The following CNTN4 variants were observed in gnomAD, a reference collection of about 807,000 sequenced individuals.
The protein encoded by CNTN4 is contactin-4.
CNTN4 carries 77 observed loss-of-function variants against 122.5 expected under a neutral mutation model. The ratio of observed to expected loss-of-function variants is 0.63; its 90% CI spans 0.52 to 0.76. CNTN4 has a LOEUF of 0.76. Among genes scored for constraint, CNTN4 ranks in the 30% least tolerant of loss-of-function variants. The probability of loss-of-function intolerance (pLI) is 0.00; values close to 1 mark genes in which losing one functional copy is unlikely to be tolerated. For missense variants in CNTN4, 1,256 were observed against 1,259.1 expected (o/e 1.00, Z 0.04); for synonymous variants, 512 against 447.0 (o/e 1.15, Z -1.83).
intron 6 of CNTN4, among the ~76,000 whole-genome samples, chr3:2,747,352 T>G (rs1275846282): frequency 6.7e-6 from 1 of 150,268 alleles, no homozygotes; most frequent in African/African-American, 2.5e-5. Flanking sequence ...GAGCTTGCAG[T>G]GAGCCGAGAT....
At chr3:2,871,940 T>G (rs2093789472) in intron 8 of CNTN4, among the ~76,000 whole-genome samples, 1 of 152,202 alleles carries the variant, frequency 6.6e-6, no homozygotes, top group African/African-American at 2.4e-5. Flanking sequence ...AAATCTGCTT[T>G]GAGAAGATAA....
At chr3:2,437,206 C>T (rs1425165258) in intron 3 of CNTN4, among the ~76,000 whole-genome samples, 12 of 152,020 alleles carry the variant, frequency 7.9e-5, no homozygotes, top group Non-Finnish European at 1.2e-4. Flanking sequence ...TCAATTCTAG[C>T]GAGTAAAGGG....
At chr3:2,580,915 A>C (rs900166771) in intron 4 of CNTN4, among the ~76,000 whole-genome samples, 3 of 152,192 alleles carry the variant, frequency 2.0e-5, no homozygotes, top group African/African-American at 7.2e-5. Flanking sequence ...CCAAGGCAGC[A>C]TTTAAATTTA....
intron 4 of CNTN4, among the ~76,000 whole-genome samples, chr3:2,619,988 A>G (rs2081932298): frequency 7.7e-6 from 1 of 130,386 alleles, no homozygotes. Context: ...GGCATAAATG[A>G]AAATATCTCT....
intron 4 of CNTN4, among the ~76,000 whole-genome samples, chr3:2,611,181 T>G (rs1021142254): frequency 6.6e-6 from 1 of 151,540 alleles, no homozygotes; most frequent in Non-Finnish European, 1.5e-5. Context: ...TCAAACTCTT[T>G]GCCTCTATTT....
At chr3:2,243,877 T>C (rs936766392) in intron 2 of CNTN4, among the ~76,000 whole-genome samples, 1 of 152,106 alleles carries the variant, frequency 6.6e-6, no homozygotes, top group Admixed American at 6.6e-5. Flanking sequence ...CAGTATAGGC[T>C]GGTTGCCCAC....
intron 4 of CNTN4, among the ~76,000 whole-genome samples, chr3:2,664,327 G>C (rs995276815): frequency 1.3e-5 from 2 of 152,108 alleles, no homozygotes; most frequent in Non-Finnish European, 2.9e-5. Flanking sequence ...TTTTGGTCCA[G>C]AATTGCATTT....
At chr3:2,994,105 C>T (rs1695304565) in intron 14 of CNTN4, among the ~76,000 whole-genome samples, 1 of 152,076 alleles carries the variant, frequency 6.6e-6, no homozygotes, top group Admixed American at 6.6e-5. Context: ...AGCACATGAC[C>T]TGGTGTTTTT....
intron 2 of CNTN4, among the ~76,000 whole-genome samples, chr3:2,335,800 G>T (rs893537296): frequency 6.6e-6 from 1 of 152,014 alleles, no homozygotes; most frequent in Admixed American, 6.6e-5. Flanking sequence ...ATCAACTGAG[G>T]TATCATTAGA....
intron 3 of CNTN4, among the ~76,000 whole-genome samples, chr3:2,455,722 G>A (rs527250890): frequency 6.6e-6 from 1 of 152,088 alleles, no homozygotes; most frequent in African/African-American, 2.4e-5. Flanking sequence ...TGCCTCTTCG[G>A]GTAGTCATTC....
At chr3:2,729,094 A>G (rs114816717) in intron 4 of CNTN4, among the ~76,000 whole-genome samples, 3,035 of 152,258 alleles carry the variant, frequency 0.02, 104 homozygotes, top group African/African-American at 0.069. Flanking sequence ...TTCTTTCCCA[A>G]CAGAGTCAGT....
At chr3:2,747,264 C>G (rs2089826526) in intron 6 of CNTN4, among the ~76,000 whole-genome samples, 1 of 149,602 alleles carries the variant, frequency 6.7e-6, no homozygotes, top group African/African-American at 2.5e-5. Context: ...AAAAAATTAG[C>G]CGGGCGCAGT....
At chr3:2,190,783 A>G (rs1261858275) in intron 2 of CNTN4, among the ~76,000 whole-genome samples, 1 of 151,716 alleles carries the variant, frequency 6.6e-6, no homozygotes, top group Non-Finnish European at 1.5e-5. Flanking sequence ...ACATTGGTAT[A>G]CAGCTTAAGG....
intron 4 of CNTN4, among the ~76,000 whole-genome samples, chr3:2,675,667 G>A (rs958301311): frequency 5.3e-5 from 8 of 152,186 alleles, no homozygotes; most frequent in African/African-American, 1.7e-4. Context: ...CACATTGAAT[G>A]GGAGGAAATA....
At chr3:2,134,047 C>T (rs944915534) in intron 2 of CNTN4, among the ~76,000 whole-genome samples, 2 of 152,058 alleles carry the variant, frequency 1.3e-5, no homozygotes, top group East Asian at 3.9e-4. Flanking sequence ...AAAAAACCAG[C>T]CCATTTCATG....
At chr3:2,951,238 A>G (rs2094739923) in intron 13 of CNTN4, among the ~76,000 whole-genome samples, 1 of 152,034 alleles carries the variant, frequency 6.6e-6, no homozygotes, top group African/African-American at 2.4e-5. Flanking sequence ...GTGGAAGACA[A>G]TTTTTCCACA....
intron 4 of CNTN4, among the ~76,000 whole-genome samples, chr3:2,706,080 G>A (rs28674062): frequency 6.8e-6 from 1 of 148,012 alleles, no homozygotes; most frequent in Non-Finnish European, 1.5e-5. Context: ...AACACTAAGT[G>A]TAAAGTTCTC....
intron 4 of CNTN4, among the ~76,000 whole-genome samples, chr3:2,685,986 A>C (rs57336068): frequency 0.053 from 8,067 of 152,270 alleles, 340 homozygotes; most frequent in African/African-American, 0.11. Flanking sequence ...CAATTACCCA[A>C]GTTGTATTTC....
At chr3:2,418,949 C>T (rs1240866743) in intron 3 of CNTN4, among the ~76,000 whole-genome samples, 2 of 152,024 alleles carry the variant, frequency 1.3e-5, no homozygotes, top group Admixed American at 6.6e-5. Flanking sequence ...GGATCTCATG[C>T]CAGGACAAGG....
Sources: allele counts gnomAD v4.1 joint callset (sites outside exome capture counted in the v4.1 genomes callset), GRCh38; gene constraint gnomAD v4.1.1; transcripts MANE v1.5; gene names NCBI Gene and HGNC (gene_info 2026-07-23, HGNC 2026-07-21).